The following GLRA2 variants were observed in gnomAD, a reference collection of about 807,000 sequenced individuals.
GLRA2 encodes glycine receptor alpha 2, also known as glycine receptor subunit alpha-2.
In GLRA2, 11 loss-of-function variants were observed where a neutral mutation model predicts 31.6. The observed-to-expected ratio is 0.35, with a 90% CI of 0.22 to 0.58. GLRA2 has a LOEUF of 0.58. GLRA2 is among the 20% of genes least tolerant of loss of function. The probability of loss-of-function intolerance (pLI) is 0.84; values close to 1 mark genes in which losing one functional copy is unlikely to be tolerated. For missense variants in GLRA2, 212 were observed against 351.8 expected, an observed-to-expected ratio of 0.60 and a Z score of 3.18; for synonymous variants, 132 against 134.0, an observed-to-expected ratio of 0.99 and a Z score of 0.10.
At chrX:14,628,852 A>AT (rs1201071374) in intron 7 of GLRA2, among the ~76,000 whole-genome samples, 1 of 111,503 alleles carries the variant, frequency 9.0e-6, no homozygotes, top group Non-Finnish European at 1.9e-5. Context: ...TTTCCTCATT[A>AT]TGGGGATGTA....
intron 4 of GLRA2, among the ~76,000 whole-genome samples, chrX:14,594,970 T>C (rs942773711): frequency 1.3e-4 from 13 of 103,588 alleles, no homozygotes; most frequent in African/African-American, 4.2e-4. Flanking sequence ...ACAGCAAAAG[T>C]GCTTATTTGG....
chrX:14,600,880 A>G (rs890253950), intron 4 of GLRA2, among the ~76,000 whole-genome samples: 3 of 111,117 alleles, frequency 2.7e-5, no homozygotes, highest in Non-Finnish European at 5.7e-5. Flanking sequence ...TATGATGAAA[A>G]TATTTATTTC....
chrX:14,602,251 A>T (rs184686094), intron 4 of GLRA2, among the ~76,000 whole-genome samples: 2 of 111,556 alleles, frequency 1.8e-5, no homozygotes, highest in Admixed American at 9.5e-5. Flanking sequence ...TGATATAAGG[A>T]TCAGCCAGAG....
At position 14,574,181 on chromosome X, in the gene GLRA2, T is replaced by A; in HGVS notation, c.203-152T>A. The A allele has an allele frequency of 8.7e-6, 4 of 459,450 alleles. No individual in the cohort carries two copies. In the South Asian group the frequency reaches 1.4e-4, roughly 16 times the overall value. The allele number at this position is 459,450 out of a possible 1,213,427, so 37.9% of individuals were successfully genotyped here. A position where few individuals can be genotyped will look rare whatever the true frequency, so the allele number is the denominator to read the frequency against. On this transcript the variant is annotated intron_variant, in intron 2 of 8. Coordinates refer to ENST00000218075, the MANE Select transcript of GLRA2 (RefSeq NM_002063.4). The stretch of plus-strand genomic sequence containing the variant: ...CCATTATCCAAAATACAAGTGGGAA[T>A]GTTATCATTATGCACCTCAGGGTAA...
the GLRA2 span, among the ~76,000 whole-genome samples, chrX:14,503,812 C>G: frequency 8.9e-6 from 1 of 111,745 alleles, no homozygotes. Context: ...TATCCCTGAC[C>G]AATCAGATCA....
At chrX:14,493,568 T>TACATATATACACATATAC in the GLRA2 span, among the ~76,000 whole-genome samples, 1 of 104,137 alleles carries the variant, frequency 9.6e-6, no homozygotes, top group African/African-American at 3.5e-5. Context: ...TACACATATA[T>TACATATATACACATATAC]ACATATATAC....
In GLRA2 at chrX:14,629,456, G is replaced by A. The variant is rs141317877; in HGVS notation, c.930+20251G>A. Among the ~76,000 whole-genome samples the A allele has an allele frequency of 7.6e-4, 85 of 111,536 alleles. 1 individual carries two copies. The highest frequency in any genetic ancestry group is 2.6e-3 in the African/African-American group (81 of 30,722). On this transcript the variant is annotated intron_variant, in intron 7 of 8. Coordinates refer to ENST00000218075, the MANE Select transcript of GLRA2 (RefSeq NM_002063.4). Reference sequence around the variant, plus strand: ...AAAGTAGTGGGAGAGTTCATTGCCTGTGGTTTTCATCAACAGGAAACAGTA... The same window carrying A: ...AAAGTAGTGGGAGAGTTCATTGCCTATGGTTTTCATCAACAGGAAACAGTA...
At chrX:14,638,274 A>G (rs763766377) in intron 7 of GLRA2, among the ~76,000 whole-genome samples, 1 of 111,217 alleles carries the variant, frequency 9.0e-6, no homozygotes, top group African/African-American at 3.3e-5. Context: ...GAATCTGCAC[A>G]ATGTACTTTC....
At chrX:14,704,215 A>G (rs1336992857) in intron 8 of GLRA2, among the ~76,000 whole-genome samples, 4 of 112,552 alleles carry the variant, frequency 3.6e-5, no homozygotes, top group Non-Finnish European at 7.5e-5. Context: ...CTTCTAAAAT[A>G]GGTTTCATAA....
intron 2 of GLRA2, among the ~76,000 whole-genome samples, chrX:14,555,996 C>A (rs986990604): frequency 9.0e-6 from 1 of 111,312 alleles, no homozygotes. Context: ...AAAAGTCGAC[C>A]ATAATACAAT....
intron 2 of GLRA2, among the ~76,000 whole-genome samples, chrX:14,545,261 T>C (rs1272182790): frequency 9.0e-6 from 1 of 111,428 alleles, no homozygotes. Flanking sequence ...CTGAGGAGTC[T>C]GCATCTGGCG....
chrX:14,575,102 C>T (rs1218699127), intron 3 of GLRA2, among the ~76,000 whole-genome samples: 3 of 108,902 alleles, frequency 2.8e-5, no homozygotes, highest in Non-Finnish European at 5.7e-5. Context: ...AAAAAAAAAA[C>T]CCCTAAACTT....
chrX:14,484,470 C>G, the GLRA2 span, among the ~76,000 whole-genome samples: 3 of 112,112 alleles, frequency 2.7e-5, no homozygotes, highest in Admixed American at 2.8e-4. Context: ...TAGCAGTTAA[C>G]CCAACTGGAT....
intron 2 of GLRA2, among the ~76,000 whole-genome samples, chrX:14,533,912 G>T (rs894699999): frequency 1.8e-5 from 2 of 111,656 alleles, no homozygotes; most frequent in Non-Finnish European, 3.8e-5. Flanking sequence ...TTAATGGAAA[G>T]CTTTATAGAG....
the GLRA2 span, among the ~76,000 whole-genome samples, chrX:14,460,880 T>C: frequency 9.0e-6 from 1 of 110,952 alleles, no homozygotes; most frequent in Non-Finnish European, 1.9e-5. Context: ...CTCATCTTAG[T>C]TATTTCTTGT....
At chrX:14,585,554 G>C (rs2090071961) in intron 4 of GLRA2, among the ~76,000 whole-genome samples, 1 of 111,365 alleles carries the variant, frequency 9.0e-6, no homozygotes, top group Non-Finnish European at 1.9e-5. Flanking sequence ...TAAGGCCAAG[G>C]GGGGTACAGT....
At chrX:14,473,517 A>T in the GLRA2 span, among the ~76,000 whole-genome samples, 1 of 112,335 alleles carries the variant, frequency 8.9e-6, no homozygotes, top group African/African-American at 3.2e-5. Context: ...TGGCCTGTCC[A>T]TGAATCCTGA....
chrX:14,530,587 C>T (rs912132573), intron 1 of GLRA2, among the ~76,000 whole-genome samples: 10 of 111,607 alleles, frequency 9.0e-5, no homozygotes, highest in Non-Finnish European at 1.7e-4. Flanking sequence ...TAGAAGCATA[C>T]TATGAGGACT....
intron 4 of GLRA2, among the ~76,000 whole-genome samples, chrX:14,602,612 A>G (rs1199361461): frequency 9.1e-6 from 1 of 110,345 alleles, no homozygotes; most frequent in Non-Finnish European, 1.9e-5. Context: ...CCCGAAGTCC[A>G]CTGTGTCATT....
Sources: allele counts gnomAD v4.1 joint callset (sites outside exome capture counted in the v4.1 genomes callset), GRCh38; gene constraint gnomAD v4.1.1; transcripts MANE v1.5; gene names NCBI Gene and HGNC (gene_info 2026-07-23, HGNC 2026-07-21).